DAAM2: variants seen among roughly 807,000 people sequenced by gnomAD.
DAAM2 encodes the protein disheveled-associated activator of morphogenesis 2.
DAAM2 carries 39 observed loss-of-function variants against 120.7 expected under a neutral mutation model. The ratio of observed to expected loss-of-function variants is 0.32; its 90% CI spans 0.25 to 0.42. DAAM2 has a LOEUF of 0.42. Among genes scored for constraint, DAAM2 ranks in the 10% least tolerant of loss-of-function variants. The pLI, the probability that DAAM2 is intolerant of heterozygous loss-of-function variation, is 1.00. For synonymous variants in DAAM2, 488 were observed against 524.9 expected (o/e 0.93, Z 0.96); for missense variants, 1,283 against 1,401.7 (o/e 0.92, Z 1.35).
intron 1 of DAAM2, among the ~76,000 whole-genome samples, chr6:39,813,052 C>T (rs2114075164): frequency 6.6e-6 from 1 of 152,196 alleles, no homozygotes; most frequent in African/African-American, 2.4e-5. Context: ...CCACCCCTCA[C>T]AAACCACAAC....
chr6:39,861,395 C>A (rs1764207369), intron 3 of DAAM2: 4 of 357,362 alleles, frequency 1.1e-5, no homozygotes, highest in South Asian at 8.8e-5. Flanking sequence ...GCAGGGATGT[C>A]CTCTTTTGGA....
In DAAM2 at chr6:39,901,832, G is replaced by C. The variant is rs762348565; in HGVS notation, c.3002G>C (p.Arg1001Pro). 1 of 1,557,394 alleles carries C rather than the reference G, an allele frequency of 6.4e-7. No individual in the cohort carries two copies. The highest frequency in any genetic ancestry group is 1.8e-5 in the Admixed American group (1 of 54,684). ...CCGCAGCTGAAGGAGCAGAGGGAACGTGAGCGGTGGCAGCGGCAGCGGAAG... is the reference window on the plus strand; with the variant it reads ...CCGCAGCTGAAGGAGCAGAGGGAACCTGAGCGGTGGCAGCGGCAGCGGAAG... ...MEAMLKEQRE[R>P]ERWQRQRKVL... is the part of the protein sequence containing the mutation. The change falls in exon 25 of 25, where the codon CGT (arginine) becomes CCT (proline). Residue 1001 changes from arginine to proline, a missense_variant. Physicochemically the swap from Arg to Pro is moderately radical, Grantham distance 103. Around this residue, in one of 3 missense-constraint regions of DAAM2, gnomAD observed 748 missense variants for 768.6 expected, o/e 0.97. Coordinates refer to ENST00000274867, the MANE Select transcript of DAAM2 (RefSeq NM_001201427.2). The surrounding 1 kb of genome is among the most constrained non-coding windows in gnomAD (Gnocchi z 4.5).
intron 1 of DAAM2, chr6:39,821,815 A>C (rs61200608): frequency 0.086 from 13,131 of 152,268 alleles, 1,111 homozygotes; most frequent in East Asian, 0.32. Flanking sequence ...GTTTGTGAAG[A>C]TGCCAGAGAC....
chr6:39,836,185 G>A (rs1257118357), intron 1 of DAAM2, among the ~76,000 whole-genome samples: 1 of 152,164 alleles, frequency 6.6e-6, no homozygotes, highest in African/African-American at 2.4e-5. Context: ...CTCATTCTCA[G>A]TTCTGTGCAC....
At chr6:39,864,837 TC>T in intron 4 of DAAM2, 142 bp from the exon 5 acceptor site, 2 of 1,005,836 alleles carry the variant, frequency 2.0e-6, no homozygotes, top group African/African-American at 3.2e-5. Flanking sequence ...ACCTAGGTCT[TC>T]CCAGGGGCCG....
At chr6:39,793,726 T>C (rs942944446) in intron 1 of DAAM2, among the ~76,000 whole-genome samples, 3 of 150,838 alleles carry the variant, frequency 2.0e-5, no homozygotes, top group South Asian at 2.1e-4. Flanking sequence ...CCACGGAGAG[T>C]AGGGGAAAAA....
At chr6:39,833,404 A>G (rs191344493) in intron 1 of DAAM2, among the ~76,000 whole-genome samples, 103 of 152,166 alleles carry the variant, frequency 6.8e-4, no homozygotes, top group Non-Finnish European at 1.3e-3. Context: ...TCCCAGGTTC[A>G]AGTGATTCTT....
intron 1 of DAAM2, among the ~76,000 whole-genome samples, chr6:39,816,990 T>G (rs1294053749): frequency 6.6e-6 from 1 of 152,260 alleles, no homozygotes; most frequent in Non-Finnish European, 1.5e-5. Context: ...GTTGCCGTAG[T>G]GGAAACTTTT....
At chr6:39,851,388 G>T (rs557722201) in intron 1 of DAAM2, among the ~76,000 whole-genome samples, 69 of 152,214 alleles carry the variant, frequency 4.5e-4, no homozygotes, top group Non-Finnish European at 5.9e-4. Context: ...TGCATTTTTG[G>T]TTTTTTCTCC....
intron 1 of DAAM2, among the ~76,000 whole-genome samples, chr6:39,793,669 GA>G (rs1321660122): frequency 1.3e-5 from 2 of 152,180 alleles, no homozygotes; most frequent in Admixed American, 1.3e-4. Context: ...AAAGCCAGCT[GA>G]AGCGGGGGAT....
chr6:39,871,640 T>C, intron 9 of DAAM2, 68 bp downstream of exon 9: 2 of 1,412,948 alleles, frequency 1.4e-6, no homozygotes, highest in Non-Finnish European at 9.7e-7. Flanking sequence ...CACAGCCACT[T>C]TTCTAGACCC....
chr6:39,798,539 A>G (rs765181492), intron 1 of DAAM2, among the ~76,000 whole-genome samples: 7 of 152,178 alleles, frequency 4.6e-5, no homozygotes, highest in Non-Finnish European at 8.8e-5. Context: ...TTCTGAGATA[A>G]ATGGTGTCCT....
chr6:39,816,964 C>T (rs753875038), intron 1 of DAAM2, among the ~76,000 whole-genome samples: 3 of 152,202 alleles, frequency 2.0e-5, no homozygotes, highest in Non-Finnish European at 2.9e-5. Context: ...TTTTCAAAAT[C>T]GTGTTTAACA....
intron 1 of DAAM2, chr6:39,793,079 C>T (rs1285661502): frequency 6.6e-6 from 1 of 152,230 alleles, no homozygotes; most frequent in Non-Finnish European, 1.5e-5. Context: ...AACCTCATGC[C>T]CTGACTTTAC....
chr6:39,829,163 T>C (rs573015092), intron 1 of DAAM2, among the ~76,000 whole-genome samples: 28 of 152,360 alleles, frequency 1.8e-4, no homozygotes, highest in East Asian at 1.5e-3. Flanking sequence ...ATAAATCCAA[T>C]TGGCATCTCT....
At chr6:39,834,494 A>G (rs1038088906) in intron 1 of DAAM2, among the ~76,000 whole-genome samples, 2 of 152,198 alleles carry the variant, frequency 1.3e-5, no homozygotes, top group African/African-American at 4.8e-5. Context: ...TCAGTGCTCA[A>G]GTTGGCTAAA....
chr6:39,806,840 C>CAAAAAA (rs200270782), intron 1 of DAAM2, among the ~76,000 whole-genome samples: 1 of 25,190 alleles, frequency 4.0e-5, no homozygotes, highest in Non-Finnish European at 1.6e-4. Flanking sequence ...ATCAGATTGG[C>CAAAAAA]AAAAAAAAAA....
In DAAM2 at chr6:39,904,364, A is replaced by C. The variant is rs1392202214; in HGVS notation, c.*2327A>C. On this transcript the variant is annotated 3_prime_UTR_variant, in exon 25 of 25. Coordinates refer to ENST00000274867, the MANE Select transcript of DAAM2 (RefSeq NM_001201427.2). ...TCTCCAACAGTGCCTTGGACCATGG[A>C]CTCATACTCAACTGAGTAAGAAGGG... The C allele has an allele frequency of 1.1e-5, 5 of 456,452 alleles. No homozygotes were observed. The highest frequency in any genetic ancestry group is 1.0e-4 in the African/African-American group (5 of 50,034). The allele number at this position is 456,452 out of a possible 1,614,324, so 28.3% of individuals were successfully genotyped here. A position where few individuals can be genotyped will look rare whatever the true frequency, so the allele number is the denominator to read the frequency against.
Position 39,878,301 on chromosome 6 carries a change from C to T in DAAM2, c.1360+40C>T, listed in dbSNP as rs1443847789. 1 of 1,612,654 alleles carries T rather than the reference C, an allele frequency of 6.2e-7. No individual in the cohort carries two copies. The highest frequency in any genetic ancestry group is 8.5e-7 in the Non-Finnish European group (1 of 1,179,024). On this transcript the variant is annotated intron_variant, in intron 12 of 24. Transcript: ENST00000274867. This position sits in a 1 kb window ranked among gnomAD's most constrained non-coding sequence, Gnocchi z 5.0. ...TTAAGCCTGCTGTCCACTCCACATG[C>T]CCTTCCCCTGCCCAGCCCATAACTC... is the stretch of plus-strand genomic sequence containing the variant.
Sources: gnomAD v4.1 joint callset for allele counts (sites outside exome capture counted in the v4.1 genomes callset) on GRCh38, gnomAD v4.1.1 for gene constraint, gnomAD v4.1.1 regional missense constraint, Gnocchi (gnomAD v3.1) non-coding constraint, MANE v1.5 for transcripts, NCBI Gene and HGNC (gene_info 2026-07-23, HGNC 2026-07-21) for gene names.